Variants in STAG1 observed in about 807,000 individuals in gnomAD.
STAG1 encodes STAG1 cohesin complex component, also known as cohesin subunit SA-1.
A neutral mutation model predicts 170.9 loss-of-function variants in STAG1; 26 were observed. The observed-to-expected ratio is 0.15, with a 90% CI of 0.11 to 0.21. The LOEUF is 0.21. STAG1 is among the 10% of genes least tolerant of loss of function. The probability of loss-of-function intolerance (pLI) is 1.00; values close to 1 mark genes in which losing one functional copy is unlikely to be tolerated. For missense variants in STAG1, 964 were observed against 1,509.5 expected (o/e 0.64, Z 5.99); for synonymous variants, 514 against 497.7 (o/e 1.03, Z -0.44).
intron 6 of STAG1, among the ~76,000 whole-genome samples, chr3:136,535,924 T>C (rs775107459): frequency 2.6e-5 from 4 of 152,336 alleles, no homozygotes; most frequent in South Asian, 2.1e-4. Context: ...AAAAATCTAA[T>C]ACATCTTAAT....
chr3:136,537,508 T>TA lies in STAG1; in HGVS notation c.471+4610_471+4611insT, dbSNP rs1483830768. The stretch of plus-strand genomic sequence containing the variant: ...TTTTTTTGTTTATTTTTTTTTTGTT[T>TA]TTTTTTTTTTGAGGTGAAGTCTCAC... On this transcript the variant is annotated intron_variant, in intron 6 of 33. Coordinates refer to ENST00000383202, the MANE Select transcript of STAG1 (RefSeq NM_005862.3). 7.2e-3 allele frequency among the ~76,000 whole-genome samples: 1,081 copies of TA among 150,764 alleles called. 15 individuals are homozygous for TA. The highest frequency in any genetic ancestry group is 0.023 in the African/African-American group (967 of 41,248).
chr3:136,538,793 G>T (rs1186434874), intron 6 of STAG1, among the ~76,000 whole-genome samples: 4 of 152,282 alleles, frequency 2.6e-5, no homozygotes, highest in African/African-American at 9.6e-5. Context: ...GCATGGTGAA[G>T]AGAGAGGAGG....
chr3:136,703,546 CTT>C (rs914635909), intron 1 of STAG1, among the ~76,000 whole-genome samples: 2 of 152,244 alleles, frequency 1.3e-5, no homozygotes, highest in African/African-American at 4.8e-5. Flanking sequence ...ACACAGAAAA[CTT>C]TTTTTCTTTA....
At chr3:136,665,300 T>C (rs1231795379) in intron 1 of STAG1, among the ~76,000 whole-genome samples, 1 of 152,156 alleles carries the variant, frequency 6.6e-6, no homozygotes, top group Non-Finnish European at 1.5e-5. Context: ...GTATGTGAGA[T>C]AGATATGGAT....
At chr3:136,520,991 T>G (rs1000984603) in intron 7 of STAG1, among the ~76,000 whole-genome samples, 2 of 152,108 alleles carry the variant, frequency 1.3e-5, no homozygotes, top group Non-Finnish European at 2.9e-5. Flanking sequence ...AACTAAACAT[T>G]CAGACAGACA....
At chr3:136,491,059 TTAAC>T (rs1255253874) in intron 9 of STAG1, among the ~76,000 whole-genome samples, 2 of 152,220 alleles carry the variant, frequency 1.3e-5, no homozygotes, top group Non-Finnish European at 2.9e-5. Flanking sequence ...AAGTTTCTGT[TTAAC>T]TAATTTTATA....
chr3:136,695,854 C>T (rs1458922245), intron 1 of STAG1, among the ~76,000 whole-genome samples: 1 of 144,344 alleles, frequency 6.9e-6, no homozygotes, highest in African/African-American at 2.6e-5. Context: ...TCAAAGAGTA[C>T]ATAGTTCTGG....
chr3:136,355,718 T>A lies in STAG1; in HGVS notation c.3065+2002A>T, dbSNP rs190318957. ...CTCAATAAATTTAAAAGGATTAAAA[T>A]AATACAATGCATGATCTCTGACCAC... On this transcript the variant is annotated intron_variant, in intron 28 of 33. Transcript: ENST00000383202. Among the ~76,000 whole-genome samples, 1,150 of 152,152 alleles carry A rather than the reference T, an allele frequency of 7.6e-3. 21 individuals carry two copies. The highest frequency in any genetic ancestry group is 0.025 in the African/African-American group (1,041 of 41,520).
chr3:136,693,668 C>A (rs978659584), intron 1 of STAG1, among the ~76,000 whole-genome samples: 1 of 151,962 alleles, frequency 6.6e-6, no homozygotes, highest in African/African-American at 2.4e-5. Flanking sequence ...CTCCCGGGCT[C>A]AACTAATCCT....
chr3:136,496,290 A>C (rs1933086803), intron 9 of STAG1, among the ~76,000 whole-genome samples: 1 of 152,202 alleles, frequency 6.6e-6, no homozygotes, highest in Non-Finnish European at 1.5e-5. Flanking sequence ...ATTTGACCTA[A>C]CTGGTATAAG....
chr3:136,598,037 TTCAGG>T (rs1425828317), intron 4 of STAG1, among the ~76,000 whole-genome samples: 4 of 152,116 alleles, frequency 2.6e-5, no homozygotes, highest in African/African-American at 9.7e-5. Context: ...CCTACATCAC[TTCAGG>T]TAAGTATAGG....
At chr3:136,346,524 C>T (rs554716153) in intron 29 of STAG1, among the ~76,000 whole-genome samples, 3 of 152,210 alleles carry the variant, frequency 2.0e-5, no homozygotes, top group African/African-American at 4.8e-5. Context: ...TATCTGGTTC[C>T]ACACAAGCTT....
At position 136,337,688 on chromosome 3, in the gene STAG1, C is replaced by CT. The variant is rs1305101159; in HGVS notation, c.*565dup. The CT allele has an allele frequency of 3.3e-5, 5 of 152,736 alleles. No individual in the cohort carries two copies. Among genetic ancestry groups the CT allele is most frequent in the African/African-American group, 1.2e-4 (5 of 41,566 alleles). The allele number at this position is 152,736 out of a possible 1,614,324, so 9.5% of individuals were successfully genotyped here. A position where few individuals can be genotyped will look rare whatever the true frequency, so the allele number is the denominator to read the frequency against. ...GTACTATGTCAGAATTTCATCTTAGCTTGTCAATGTTCTGCTCCTTCATTA... is the reference window on the plus strand; with the variant it reads ...GTACTATGTCAGAATTTCATCTTAGCTTTGTCAATGTTCTGCTCCTTCATTA... On this transcript the variant is annotated 3_prime_UTR_variant, in exon 34 of 34. Transcript: ENST00000383202.
At chr3:136,732,760 C>A (rs1387722810) in intron 1 of STAG1, among the ~76,000 whole-genome samples, 1 of 152,048 alleles carries the variant, frequency 6.6e-6, no homozygotes, top group Non-Finnish European at 1.5e-5. Flanking sequence ...CAGGTGCCCA[C>A]CACCATGCCA....
At chr3:136,628,653 T>C (rs527932193) in intron 2 of STAG1, among the ~76,000 whole-genome samples, 1 of 152,324 alleles carries the variant, frequency 6.6e-6, no homozygotes, top group Admixed American at 6.5e-5. Flanking sequence ...AAAATTCTCA[T>C]AATACCTCCT....
intron 22 of STAG1, among the ~76,000 whole-genome samples, chr3:136,397,360 G>A (rs1409129395): frequency 3.3e-5 from 5 of 152,158 alleles, no homozygotes; most frequent in African/African-American, 1.2e-4. Context: ...TTTAAGGCAA[G>A]TTCCTTCAGA....
At chr3:136,739,845 A>G (rs1318416356) in intron 1 of STAG1, among the ~76,000 whole-genome samples, 1 of 151,968 alleles carries the variant, frequency 6.6e-6, no homozygotes, top group East Asian at 1.9e-4. Context: ...ATAATTATAT[A>G]CATATATACA....
chr3:136,525,804 C>T (rs1223822045), intron 6 of STAG1, among the ~76,000 whole-genome samples: 1 of 152,176 alleles, frequency 6.6e-6, no homozygotes, highest in African/African-American at 2.4e-5. Flanking sequence ...TGCCTTTGTT[C>T]TCACTGGTTT....
chr3:136,371,637 C>G (rs969897100), intron 23 of STAG1, among the ~76,000 whole-genome samples: 6 of 152,086 alleles, frequency 3.9e-5, no homozygotes, highest in South Asian at 2.1e-4. Flanking sequence ...GCTTGTTTTT[C>G]TCAGGTTTGT....
Sources: gnomAD v4.1 joint callset for allele counts (sites outside exome capture counted in the v4.1 genomes callset) on GRCh38, gnomAD v4.1.1 for gene constraint, MANE v1.5 for transcripts, NCBI Gene and HGNC (gene_info 2026-07-23, HGNC 2026-07-21) for gene names.